Variants in NLRC5 observed in about 807,000 individuals in gnomAD.
NLRC5 encodes NLR family CARD domain containing 5.
Under a neutral mutation model 206.9 loss-of-function variants are expected in NLRC5, and 114 were observed. The ratio of observed to expected loss-of-function variants is 0.55; its 90% CI spans 0.47 to 0.64. The LOEUF (loss-of-function observed/expected upper bound fraction) is 0.64, where lower values mean the gene tolerates loss of function less well. NLRC5 is among the 30% of genes least tolerant of loss of function. The probability of loss-of-function intolerance (pLI) is 0.00; values close to 1 mark genes in which losing one functional copy is unlikely to be tolerated. For synonymous variants in NLRC5, 952 were observed against 962.8 expected (o/e 0.99, Z 0.21); for missense variants, 2,008 against 2,305.5 (o/e 0.87, Z 2.64).
chr16:57,076,904 T>C lies in NLRC5; in HGVS notation c.4835+2T>C, dbSNP rs773035947. On this transcript the variant is annotated splice_donor_variant, in intron 40 of 48. Transcript: ENST00000688547. LOFTEE classifies it high-confidence loss of function. ...TGCCACCAGCCTAGAGGAGCTGGAGTGAGTTGCCCATTCTGCCCCCAGACC... is the reference window on the plus strand; with the variant it reads ...TGCCACCAGCCTAGAGGAGCTGGAGCGAGTTGCCCATTCTGCCCCCAGACC... 6.2e-6 allele frequency: 10 copies of C among 1,613,470 alleles called. No homozygotes were observed.
intron 24 of NLRC5, among the ~76,000 whole-genome samples, chr16:57,052,301 C>T (rs982203619): frequency 1.3e-5 from 2 of 151,986 alleles, no homozygotes; most frequent in African/African-American, 4.8e-5. Context: ...GGTGAAACCC[C>T]GTCTCTACTA....
chr16:57,037,083 A>T, intron 14 of NLRC5, 112 bp from the exon 15 acceptor site: 1 of 870,820 alleles, frequency 1.1e-6, no homozygotes, highest in Non-Finnish European at 1.9e-6. Flanking sequence ...GGGACCTAGG[A>T]CATCCAGGAG....
intron 38 of NLRC5, among the ~76,000 whole-genome samples, chr16:57,073,514 C>A (rs117551921): frequency 0.018 from 2,769 of 152,290 alleles, 40 homozygotes; most frequent in Middle Eastern, 0.041. Flanking sequence ...ATTTTGGCAC[C>A]CAAAGTCCCA....
At chr16:57,081,944 C>G (rs1208720776) in intron 48 of NLRC5, among the ~76,000 whole-genome samples, 1 of 152,202 alleles carries the variant, frequency 6.6e-6, no homozygotes, top group Non-Finnish European at 1.5e-5. Context: ...ACATAGTAAG[C>G]ACTTAAAATG....
At chr16:56,998,194 CTTTTTTTT>C (rs201515449) in intron 1 of NLRC5, among the ~76,000 whole-genome samples, 3 of 137,736 alleles carry the variant, frequency 2.2e-5, no homozygotes, top group Admixed American at 1.5e-4. Context: ...TCACTGATGT[CTTTTTTTT>C]TTTTTTTTTA....
chr16:57,073,670 T>C (rs1235052279), intron 38 of NLRC5, among the ~76,000 whole-genome samples: 5 of 152,340 alleles, frequency 3.3e-5, no homozygotes, highest in African/African-American at 1.2e-4. Context: ...CTTGGCTCAC[T>C]GCAACCTCCG....
At chr16:57,010,371 C>T (rs543235527) in intron 1 of NLRC5, among the ~76,000 whole-genome samples, 1 of 152,004 alleles carries the variant, frequency 6.6e-6, no homozygotes, top group Non-Finnish European at 1.5e-5. Context: ...ATATGAATAA[C>T]TTTTTAATTT....
chr16:57,070,564 G>T lies in NLRC5; in HGVS notation c.4613G>T (p.Gly1538Val), dbSNP rs1217222021. 6.2e-7 allele frequency: 1 copy of T among 1,614,108 alleles called. No homozygotes were observed. Among genetic ancestry groups the T allele is most frequent in the South Asian group, 1.1e-5 (1 of 91,092 alleles). ...DLSNNQFDEEGTKALMRALEG... is the reference protein window; with the variant it reads ...DLSNNQFDEEVTKALMRALEG... Reference sequence around the variant, plus strand: ...TCTAACAATCAATTTGATGAGGAGGGCACCAAGGCGCTGATGAGGGCCCTT... The same window carrying T: ...TCTAACAATCAATTTGATGAGGAGGTCACCAAGGCGCTGATGAGGGCCCTT... Residue 1538 changes from glycine to valine, a missense_variant, in exon 38 of 49, where the codon GGC (glycine) becomes GTC (valine). Gly to Val is a moderately radical substitution (Grantham distance 109). Transcript: ENST00000688547.
chr16:57,077,530 T>C (rs969035305), intron 41 of NLRC5, 151 bp downstream of exon 41: 7 of 913,486 alleles, frequency 7.7e-6, no homozygotes, highest in Non-Finnish European at 1.2e-5. Flanking sequence ...TGGCCCTCAC[T>C]GCGGGACCTT....
intron 1 of NLRC5, among the ~76,000 whole-genome samples, chr16:57,011,529 C>G (rs542245583): frequency 6.6e-6 from 1 of 152,126 alleles, no homozygotes; most frequent in African/African-American, 2.4e-5. Context: ...TCAAGACCAG[C>G]CTGGGCAACA....
chr16:57,047,291 G>A (rs889329642), intron 22 of NLRC5, among the ~76,000 whole-genome samples: 51 of 152,236 alleles, frequency 3.4e-4, no homozygotes, highest in African/African-American at 1.1e-3. Flanking sequence ...GGCTCTGGAG[G>A]GGGCGGTGGG....
chr16:57,058,384 G>A lies in NLRC5; in HGVS notation c.3830+236G>A, dbSNP rs111316047. 82 of 538,028 alleles carry A rather than the reference G, an allele frequency of 1.5e-4. No homozygotes were observed. In the Middle Eastern group the frequency reaches 4.5e-3, roughly 29 times the overall value. The allele number at this position is 538,028 out of a possible 1,614,324, so 33.3% of individuals were successfully genotyped here. A position where few individuals can be genotyped will look rare whatever the true frequency, so the allele number is the denominator to read the frequency against. Reference sequence around the variant, plus strand: ...AAACACCCAAGAGAGGCTGTGATTCGTGGCAGGGTGACACACCCCTACAGC... The same window carrying A: ...AAACACCCAAGAGAGGCTGTGATTCATGGCAGGGTGACACACCCCTACAGC... On this transcript the variant is annotated intron_variant, in intron 28 of 48. Coordinates refer to ENST00000688547, the MANE Select transcript of NLRC5 (RefSeq NM_001384950.1).
Position 57,059,705 on chromosome 16 carries a change from G to A in NLRC5, c.3986+173G>A, listed in dbSNP as rs569385031. 2.0e-5 allele frequency among the ~76,000 whole-genome samples: 3 copies of A among 152,286 alleles called. No homozygotes were observed. The South Asian group carries it at 6.2e-4, about 32-fold the overall frequency. On this transcript the variant is annotated intron_variant, in intron 30 of 48. Coordinates refer to ENST00000688547, the MANE Select transcript of NLRC5 (RefSeq NM_001384950.1). ...TGCCCCCGATGCCCTGGTAACTCCA[G>A]TCTCAGCCAGGGCCTTGGCATTGAA...
chr16:57,030,894 A>G (rs1458954738), intron 10 of NLRC5, among the ~76,000 whole-genome samples: 1 of 152,214 alleles, frequency 6.6e-6, no homozygotes. Context: ...GGATTACTTG[A>G]GCTCAGGAGT....
intron 23 of NLRC5, among the ~76,000 whole-genome samples, chr16:57,050,340 C>T (rs1597360063): frequency 1.3e-5 from 2 of 152,228 alleles, no homozygotes; most frequent in South Asian, 2.1e-4. Context: ...CTGCTCCTCC[C>T]GCCCTACCCT....
Position 57,026,275 on chromosome 16 carries a change from C to A in NLRC5, c.1332C>A (p.Leu444=). Residue 444 remains leucine (L), a synonymous_variant, in exon 6 of 49, where the codon CTC becomes CTA. Transcript: ENST00000688547. Reference sequence around the variant, plus strand: ...CTCAGCTCTATATGCAGATGGTGCTCGCCCTCAGCCCCCCTGGGCACTTGC... The same window carrying A: ...CTCAGCTCTATATGCAGATGGTGCTAGCCCTCAGCCCCCCTGGGCACTTGC... ...NMTQLYMQMV[L]ALSPPGHLPT... The A allele has an allele frequency of 6.2e-7, 1 of 1,614,032 alleles. No individual in the cohort carries two copies. Among genetic ancestry groups the A allele is most frequent in the Non-Finnish European group, 8.5e-7 (1 of 1,180,040 alleles).
intron 34 of NLRC5, among the ~76,000 whole-genome samples, chr16:57,066,831 G>A (rs765020399): frequency 7.9e-5 from 12 of 152,122 alleles, no homozygotes; most frequent in Admixed American, 1.3e-4. Flanking sequence ...TCAGTTCCCC[G>A]AACACCATCT....
At chr16:57,018,960 T>C (rs1394164971) in intron 2 of NLRC5, among the ~76,000 whole-genome samples, 1 of 152,250 alleles carries the variant, frequency 6.6e-6, no homozygotes, top group Admixed American at 6.5e-5. Flanking sequence ...AATTAAATAT[T>C]GTATATACGT....
rs147825465 is a variant in NLRC5, at chr16:57,026,686, G to A, written c.1743G>A (p.Ala581=). The change falls in exon 6 of 49, where the codon GCG becomes GCA. Residue 581 remains alanine, a synonymous_variant. Coordinates refer to ENST00000688547, the MANE Select transcript of NLRC5 (RefSeq NM_001384950.1). ...CTCRPFLSHL[A]QGNEDCVGAK... The stretch of plus-strand genomic sequence containing the variant: ...GCCGCCCCTTCCTTAGCCACCTGGC[G>A]CAGGGCAATGAGGACTGTGTGGGTG... 846 of 1,614,044 alleles carry A rather than the reference G, an allele frequency of 5.2e-4. 2 individuals are homozygous for A. Among genetic ancestry groups the A allele is most frequent in the Non-Finnish European group, 5.1e-4 (605 of 1,179,946 alleles).
Sources: allele counts gnomAD v4.1 joint callset (sites outside exome capture counted in the v4.1 genomes callset), GRCh38; gene constraint gnomAD v4.1.1; transcripts MANE v1.5; gene names NCBI Gene and HGNC (gene_info 2026-07-23, HGNC 2026-07-21).